Variants in SCAPER observed in about 807,000 individuals in gnomAD.
The protein encoded by SCAPER is S-phase cyclin A associated protein in the ER.
SCAPER carries 98 observed loss-of-function variants against 182.2 expected under a neutral mutation model. That is an observed-to-expected ratio of 0.54 (90% CI 0.46 to 0.64). The LOEUF is 0.64. Ranked by LOEUF, SCAPER falls within the 30% of genes least tolerant of loss-of-function variation. SCAPER has a pLI of 0.00. For synonymous variants in SCAPER, 605 were observed against 564.6 expected, an observed-to-expected ratio of 1.07 and a Z score of -1.01; for missense variants, 1,432 against 1,690.0, an observed-to-expected ratio of 0.85 and a Z score of 2.68.
chr15:76,425,590 T>C (rs995401562), intron 26 of SCAPER, among the ~76,000 whole-genome samples: 1 of 152,218 alleles, frequency 6.6e-6, no homozygotes, highest in African/African-American at 2.4e-5. Context: ...AGAAGTTTGA[T>C]TGTCTGAAGC....
intron 20 of SCAPER, among the ~76,000 whole-genome samples, chr15:76,671,137 C>T (rs187004189): frequency 2.6e-5 from 4 of 151,112 alleles, no homozygotes; most frequent in Non-Finnish European, 5.9e-5. Flanking sequence ...CCCAGGAGTT[C>T]GAGATCAACC....
chr15:76,894,754 A>C (rs2074339752), intron 1 of SCAPER, among the ~76,000 whole-genome samples: 1 of 152,172 alleles, frequency 6.6e-6, no homozygotes, highest in African/African-American at 2.4e-5. Flanking sequence ...ACTACTTTGA[A>C]CAATTACATG....
intron 26 of SCAPER, among the ~76,000 whole-genome samples, chr15:76,407,340 T>C (rs937349746): frequency 5.9e-5 from 9 of 152,186 alleles, no homozygotes; most frequent in Admixed American, 2.0e-4. Context: ...AGTAAAAATA[T>C]AGTATTGTAA....
chr15:76,517,598 G>A (rs1277670393), intron 23 of SCAPER, among the ~76,000 whole-genome samples: 5 of 151,890 alleles, frequency 3.3e-5, no homozygotes, highest in Admixed American at 2.0e-4. Flanking sequence ...TGATCCACCC[G>A]CCTCGGCCTC....
intron 25 of SCAPER, among the ~76,000 whole-genome samples, chr15:76,456,127 CAT>C (rs989453159): frequency 8.5e-5 from 13 of 152,250 alleles, no homozygotes; most frequent in African/African-American, 3.1e-4. Context: ...CTTCAATAAA[CAT>C]ATGTGTGCAT....
intron 26 of SCAPER, among the ~76,000 whole-genome samples, chr15:76,419,449 G>A (rs1306381597): frequency 1.3e-5 from 2 of 152,014 alleles, no homozygotes; most frequent in Admixed American, 6.6e-5. Context: ...GGCCGGGCAC[G>A]GTGGCTCATG....
At chr15:76,591,201 A>C (rs995765274) in intron 22 of SCAPER, among the ~76,000 whole-genome samples, 1 of 152,142 alleles carries the variant, frequency 6.6e-6, no homozygotes, top group African/African-American at 2.4e-5. Context: ...AAAAAGAAAA[A>C]GAAAAATGCA....
intron 15 of SCAPER, among the ~76,000 whole-genome samples, chr15:76,741,642 AG>A (rs1175424423): frequency 6.6e-6 from 1 of 152,156 alleles, no homozygotes; most frequent in African/African-American, 2.4e-5. Context: ...AGAAGATGTC[AG>A]AAAAAATCAG....
intron 3 of SCAPER, among the ~76,000 whole-genome samples, chr15:76,858,236 T>A (rs1223097523): frequency 6.6e-6 from 1 of 152,204 alleles, no homozygotes; most frequent in East Asian, 1.9e-4. Flanking sequence ...CTGGAAATAG[T>A]TCTTTAAGTT....
intron 21 of SCAPER, among the ~76,000 whole-genome samples, chr15:76,657,635 T>C (rs561989847): frequency 2.8e-4 from 41 of 147,606 alleles, no homozygotes; most frequent in Non-Finnish European, 5.5e-4. Context: ...ACACAGGCCA[T>C]TATTCATGAT....
At position 76,665,691 on chromosome 15, in the gene SCAPER, T is replaced by A; in HGVS notation, c.2607A>T (p.Lys869Asn). 1.9e-6 allele frequency: 3 copies of A among 1,586,126 alleles called. No individual in the cohort carries two copies. In the South Asian group the frequency reaches 3.5e-5, roughly 18 times the overall value. Residue 869 changes from lysine to asparagine, a missense_variant, in exon 21 of 32, where the codon AAA (lysine) becomes AAT (asparagine). Lys to Asn is a moderately conservative substitution (Grantham distance 94). Coordinates refer to ENST00000563290, the MANE Select transcript of SCAPER (RefSeq NM_020843.4). ...GGGCTTTTATCTTTTTGGCTTTTTT[T>A]TTATTTTTTTGCCGCTCTTCTCCAT... Reference protein sequence around the residue: ...LKDGEERQKNKKKAKKIKARM... With the variant: ...LKDGEERQKNNKKAKKIKARM...
chr15:76,386,363 T>C (rs1174930785), intron 27 of SCAPER, among the ~76,000 whole-genome samples: 1 of 152,242 alleles, frequency 6.6e-6, no homozygotes, highest in Non-Finnish European at 1.5e-5. Context: ...TCATGATTCA[T>C]TCATTCAACA....
chr15:76,419,397 C>A (rs1165617918), intron 26 of SCAPER, among the ~76,000 whole-genome samples: 1 of 150,688 alleles, frequency 6.6e-6, no homozygotes, highest in East Asian at 2.0e-4. Flanking sequence ...CTGCTGAATT[C>A]TCCTAAATAT....
At chr15:76,789,063 T>A (rs1318299983) in intron 8 of SCAPER, among the ~76,000 whole-genome samples, 5 of 152,176 alleles carry the variant, frequency 3.3e-5, no homozygotes, top group Non-Finnish European at 7.3e-5. Context: ...TTAGTATGTA[T>A]CTTTGTAAGA....
chr15:76,685,315 T>A (rs1453700156), intron 20 of SCAPER, among the ~76,000 whole-genome samples: 1 of 151,526 alleles, frequency 6.6e-6, no homozygotes, highest in Non-Finnish European at 1.5e-5. Flanking sequence ...TATGAGCCAA[T>A]GTGATTTAAA....
At chr15:76,834,384 C>T (rs2068755557) in intron 5 of SCAPER, among the ~76,000 whole-genome samples, 1 of 152,128 alleles carries the variant, frequency 6.6e-6, no homozygotes. Flanking sequence ...TAAATGCATA[C>T]ATCAAGAAGT....
chr15:76,846,564 G>T (rs1254939968), intron 4 of SCAPER, among the ~76,000 whole-genome samples: 1 of 152,090 alleles, frequency 6.6e-6, no homozygotes, highest in Non-Finnish European at 1.5e-5. Flanking sequence ...TTTCTCAAGA[G>T]AAGACATACA....
intron 21 of SCAPER, among the ~76,000 whole-genome samples, chr15:76,654,641 C>T (rs1023193867): frequency 2.6e-5 from 4 of 152,198 alleles, no homozygotes; most frequent in African/African-American, 9.7e-5. Flanking sequence ...ATAAAATAAT[C>T]ATTCTACAAA....
chr15:76,850,944 AT>A (rs2070695698), intron 4 of SCAPER, among the ~76,000 whole-genome samples: 1 of 152,036 alleles, frequency 6.6e-6, no homozygotes, highest in South Asian at 2.1e-4. Context: ...GCAAAACCCA[AT>A]CCAAGGAAAC....
Sources: allele counts gnomAD v4.1 joint callset (sites outside exome capture counted in the v4.1 genomes callset), GRCh38; gene constraint gnomAD v4.1.1; transcripts MANE v1.5; gene names NCBI Gene and HGNC (gene_info 2026-07-23, HGNC 2026-07-21).